The following SORT1 variants were observed in gnomAD, a reference collection of about 807,000 sequenced individuals.
SORT1 encodes the protein sortilin 1, also known as sortilin.
In SORT1, 39 loss-of-function variants were observed where a neutral mutation model predicts 101.7. That is an observed-to-expected ratio of 0.38 (90% CI 0.30 to 0.50). SORT1 has a LOEUF of 0.50. Ranked by LOEUF, SORT1 falls within the 20% of genes least tolerant of loss-of-function variation. SORT1 has a pLI of 0.90. For synonymous variants in SORT1, 396 were observed against 393.7 expected (o/e 1.01, Z -0.07); for missense variants, 878 against 1,040.4 (o/e 0.84, Z 2.15).
At chr1:109,345,941 G>A in intron 7 of SORT1, 60 bp from the exon 8 acceptor site, 2 of 1,421,586 alleles carry the variant, frequency 1.4e-6, no homozygotes, top group Non-Finnish European at 9.8e-7. Flanking sequence ...GTTCAAAGCA[G>A]TTGTTTTAGA....
chr1:109,397,915 C>G lies in SORT1; in HGVS notation c.-23G>C, dbSNP rs1653299919. 1 of 1,137,060 alleles carries G rather than the reference C, an allele frequency of 8.8e-7. No individual in the cohort carries two copies. Among genetic ancestry groups the G allele is most frequent in the Non-Finnish European group, 1.1e-6 (1 of 929,500 alleles). 70.4% of individuals were successfully genotyped at this position (1,137,060 alleles called of 1,614,324 possible). ...CATCGCCGCCGAATGCCGCCGACGCCGACACCTGCCGCCCGGCGCGCCCGC... is the reference window on the plus strand; with the variant it reads ...CATCGCCGCCGAATGCCGCCGACGCGGACACCTGCCGCCCGGCGCGCCCGC... On this transcript the variant is annotated 5_prime_UTR_variant, in exon 1 of 20. Transcript: ENST00000256637.
intron 13 of SORT1, among the ~76,000 whole-genome samples, chr1:109,326,548 C>T (rs866280173): frequency 1.3e-4 from 18 of 140,180 alleles, no homozygotes; most frequent in Non-Finnish European, 1.5e-4. Flanking sequence ...CATATATATA[C>T]ACATATATAT....
At chr1:109,356,839 C>A (rs1399118227) in intron 3 of SORT1, among the ~76,000 whole-genome samples, 1 of 152,194 alleles carries the variant, frequency 6.6e-6, no homozygotes, top group Non-Finnish European at 1.5e-5. Context: ...CTGTCTAACC[C>A]TGACAGGTTT....
At chr1:109,335,104 T>C (rs1357620080) in intron 11 of SORT1, among the ~76,000 whole-genome samples, 3 of 152,064 alleles carry the variant, frequency 2.0e-5, no homozygotes, top group Non-Finnish European at 4.4e-5. Flanking sequence ...AGGAATAGTG[T>C]GGGTGTTCAG....
chr1:109,338,959 G>A (rs1373410688), intron 10 of SORT1, among the ~76,000 whole-genome samples: 2 of 151,868 alleles, frequency 1.3e-5, no homozygotes, highest in African/African-American at 2.4e-5. Flanking sequence ...CTCACTGCAA[G>A]CTCAGCCTCC....
At chr1:109,370,880 T>C (rs570712341) in intron 1 of SORT1, among the ~76,000 whole-genome samples, 3 of 152,170 alleles carry the variant, frequency 2.0e-5, no homozygotes, top group Non-Finnish European at 2.9e-5. Flanking sequence ...AAATAGAACA[T>C]GTCTATAAAT....
intron 3 of SORT1, among the ~76,000 whole-genome samples, chr1:109,360,929 G>A (rs76035448): frequency 0.027 from 4,079 of 152,282 alleles, 179 homozygotes; most frequent in African/African-American, 0.092. Flanking sequence ...CTTGAAATCT[G>A]AAAGCCTTCC....
chr1:109,335,723 C>T (rs938954677), intron 11 of SORT1, among the ~76,000 whole-genome samples: 1 of 152,136 alleles, frequency 6.6e-6, no homozygotes, highest in East Asian at 1.9e-4. Context: ...GGAGTGACAC[C>T]TGCGTAGTTC....
intron 11 of SORT1, among the ~76,000 whole-genome samples, chr1:109,331,438 A>C (rs778296706): frequency 1.4e-4 from 21 of 152,172 alleles, no homozygotes; most frequent in African/African-American, 2.2e-4. Context: ...AAAACTCTCA[A>C]TAAATTAGGT....
intron 4 of SORT1, among the ~76,000 whole-genome samples, chr1:109,355,033 G>A (rs540024893): frequency 6.6e-6 from 1 of 152,106 alleles, no homozygotes; most frequent in Non-Finnish European, 1.5e-5. Context: ...AGACCAGCCT[G>A]AGCAACATGG....
intron 1 of SORT1, among the ~76,000 whole-genome samples, chr1:109,380,813 CAA>C (rs60568166): frequency 9.8e-4 from 48 of 49,218 alleles, no homozygotes; most frequent in African/African-American, 4.3e-3. Flanking sequence ...CCTGTCGCCA[CAA>C]AAAAAAAAAA....
chr1:109,321,214 A>G (rs1318221871), intron 15 of SORT1, among the ~76,000 whole-genome samples: 2 of 152,192 alleles, frequency 1.3e-5, no homozygotes, highest in Non-Finnish European at 2.9e-5. Context: ...ATAAATAGTA[A>G]TTAAAATTTA....
At position 109,327,005 on chromosome 1, in the gene SORT1, T is replaced by C. The variant is rs144200520; in HGVS notation, c.1630A>G (p.Ile544Val). The C allele has an allele frequency of 3.5e-5, 57 of 1,611,558 alleles. No homozygotes were observed. Among genetic ancestry groups the C allele is most frequent in the South Asian group, 1.6e-4 (15 of 90,930 alleles). ...GTTCATGCATACTTAATCACATTGATAGGACGGCTGCTGTGCTCAATGGCC... is the reference window on the plus strand; with the variant it reads ...GTTCATGCATACTTAATCACATTGACAGGACGGCTGCTGTGCTCAATGGCC... ...IVAIEHSSRP[I>V]NVIKFSTDEG... The change falls in exon 13 of 20, where the codon ATC becomes GTC. Residue 544 changes from isoleucine to valine, a missense_variant. Physicochemically the swap from Ile to Val is conservative, Grantham distance 29. Transcript: ENST00000256637.
At chr1:109,360,652 G>A (rs1163470987) in intron 3 of SORT1, among the ~76,000 whole-genome samples, 2 of 152,066 alleles carry the variant, frequency 1.3e-5, no homozygotes, top group Non-Finnish European at 2.9e-5. Context: ...ATTAAAGCTT[G>A]AAAACAATTC....
Position 109,397,644 on chromosome 1 carries a change from G to A in SORT1, c.249C>T (p.Asp83=). 8 of 1,250,322 alleles carry A rather than the reference G, an allele frequency of 6.4e-6. No individual in the cohort carries two copies. The highest frequency in any genetic ancestry group is 8.1e-6 in the Non-Finnish European group (8 of 987,578). 77.5% of individuals were successfully genotyped at this position (1,250,322 alleles called of 1,614,324 possible). ...GRWRRSAPGE[D]EECGRVRDFV... ...AGTCCCGGACCCGGCCGCACTCCTC[G>A]TCCTCGCCCGGCGCGCTGCGACGCC... Residue 83 remains aspartate (D), a synonymous_variant, in exon 1 of 20, where the codon GAC becomes GAT. Transcript: ENST00000256637.
chr1:109,361,257 G>A (rs532128790), intron 3 of SORT1, among the ~76,000 whole-genome samples: 3 of 152,182 alleles, frequency 2.0e-5, no homozygotes, highest in African/African-American at 7.2e-5. Context: ...TTCATTGCTT[G>A]CAAGTTCTAC....
chr1:109,350,453 C>T (rs185931247), intron 6 of SORT1, among the ~76,000 whole-genome samples: 95 of 152,260 alleles, frequency 6.2e-4, no homozygotes, highest in African/African-American at 2.1e-3. Context: ...GGAATCTCTC[C>T]GAGAAAAGTG....
At chr1:109,316,823 C>G (rs965842631) in intron 17 of SORT1, 27 bp downstream of exon 17, 5 of 1,397,796 alleles carry the variant, frequency 3.6e-6, no homozygotes, top group South Asian at 1.2e-5. Flanking sequence ...CCATTTGTAC[C>G]TGAAAACTAG....
chr1:109,378,234 CTAT>C (rs1651983429), intron 1 of SORT1, among the ~76,000 whole-genome samples: 2 of 151,010 alleles, frequency 1.3e-5, no homozygotes, highest in African/African-American at 4.9e-5. Context: ...GAGACCCGGT[CTAT>C]ATTTAAAAGA....
Sources: allele counts gnomAD v4.1 joint callset (sites outside exome capture counted in the v4.1 genomes callset), GRCh38; gene constraint gnomAD v4.1.1; transcripts MANE v1.5; gene names NCBI Gene and HGNC (gene_info 2026-07-23, HGNC 2026-07-21).